Variants in CNTNAP2 observed in about 807,000 individuals in gnomAD.
The protein encoded by CNTNAP2 is contactin-associated protein-like 2.
In CNTNAP2, 98 loss-of-function variants were observed where a neutral mutation model predicts 155.2. The ratio of observed to expected loss-of-function variants is 0.63; its 90% confidence interval spans 0.54 to 0.75. The LOEUF (loss-of-function observed/expected upper bound fraction) is 0.75, where lower values mean the gene tolerates loss of function less well. Among genes scored for constraint, CNTNAP2 ranks in the 30% least tolerant of loss-of-function variants. CNTNAP2 has a pLI of 0.00. For missense variants in CNTNAP2, 1,727 were observed against 1,688.1 expected, an observed-to-expected ratio of 1.02 and a Z score of -0.40; for synonymous variants, 651 against 631.2, an observed-to-expected ratio of 1.03 and a Z score of -0.47.
intron 12 of CNTNAP2, among the ~76,000 whole-genome samples, chr7:147,585,066 G>T (rs938654908): frequency 2.0e-5 from 3 of 152,134 alleles, no homozygotes; most frequent in Non-Finnish European, 4.4e-5. Context: ...CCTTCTGTCT[G>T]CACTTTCCTA....
In CNTNAP2 at chr7:146,839,904, G is replaced by A. The variant is rs761596436; in HGVS notation, c.402G>A (p.Trp134Ter). The change falls in exon 3 of 24, where the codon TGG becomes TGA. Residue 134 changes from tryptophan (W) to a stop codon, truncating the protein, a stop_gained and splice_region_variant. Transcript: ENST00000361727. LOFTEE classifies it high-confidence loss of function. The part of the protein sequence containing the change: ...WKPYHQDGNI[W>*]AFPGNINSDG... ...CCTATCATCAAGATGGGAATATCTGGGTAAGTCATTGGCAGGAAAGCAAAG... is the reference window on the plus strand; with the variant it reads ...CCTATCATCAAGATGGGAATATCTGAGTAAGTCATTGGCAGGAAAGCAAAG... The A allele has an allele frequency of 6.2e-7, 1 of 1,614,038 alleles. No homozygotes were observed. Among genetic ancestry groups the A allele is most frequent in the Non-Finnish European group, 8.5e-7 (1 of 1,179,994 alleles).
intron 1 of CNTNAP2, among the ~76,000 whole-genome samples, chr7:146,445,172 C>G (rs1249761765): frequency 2.0e-5 from 3 of 152,178 alleles, no homozygotes; most frequent in African/African-American, 7.2e-5. Flanking sequence ...CCAATCCTCT[C>G]CATGTGGCCA....
At chr7:146,460,565 GA>G (rs1394076520) in intron 1 of CNTNAP2, among the ~76,000 whole-genome samples, 1 of 152,090 alleles carries the variant, frequency 6.6e-6, no homozygotes, top group Non-Finnish European at 1.5e-5. Context: ...TAAATTGTAT[GA>G]TATATATGTA....
chr7:148,264,756 G>C (rs181468928), intron 20 of CNTNAP2, among the ~76,000 whole-genome samples: 5 of 151,962 alleles, frequency 3.3e-5, no homozygotes, highest in South Asian at 4.2e-4. Flanking sequence ...GTGCAGTGGC[G>C]CGATCTCGGC....
chr7:147,204,085 A>C (rs2116556019), intron 8 of CNTNAP2, among the ~76,000 whole-genome samples: 1 of 152,058 alleles, frequency 6.6e-6, no homozygotes, highest in Admixed American at 6.5e-5. Flanking sequence ...ATTATAATAA[A>C]AATTTCAAAA....
chr7:148,058,158 T>C (rs928680753), intron 15 of CNTNAP2, among the ~76,000 whole-genome samples: 10 of 152,092 alleles, frequency 6.6e-5, no homozygotes, highest in African/African-American at 2.4e-4. Context: ...CGTGACTTAG[T>C]ACATGAAGAG....
chr7:146,906,530 C>T (rs1291686731), intron 3 of CNTNAP2, among the ~76,000 whole-genome samples: 4 of 152,042 alleles, frequency 2.6e-5, no homozygotes, highest in African/African-American at 9.7e-5. Flanking sequence ...AGGCACCCCC[C>T]AGCAGGGGCA....
At chr7:148,216,696 T>G (rs10952736) in intron 18 of CNTNAP2, among the ~76,000 whole-genome samples, 85,347 of 152,068 alleles carry the variant, frequency 0.56, 24,649 homozygotes, top group Non-Finnish European at 0.63. Context: ...TCTTAAATTT[T>G]ACTATTTTTT....
chr7:147,619,708 T>A (rs1563024671), intron 12 of CNTNAP2, among the ~76,000 whole-genome samples: 3 of 152,184 alleles, frequency 2.0e-5, no homozygotes. Flanking sequence ...GGTCCCTGAT[T>A]GCTGGAGGAT....
At chr7:146,183,782 G>A (rs1584791304) in intron 1 of CNTNAP2, among the ~76,000 whole-genome samples, 1 of 152,080 alleles carries the variant, frequency 6.6e-6, no homozygotes, top group East Asian at 1.9e-4. Flanking sequence ...AGCCAACTCA[G>A]AACCCTTTAT....
intron 21 of CNTNAP2, among the ~76,000 whole-genome samples, chr7:148,352,011 C>T (rs1173305133): frequency 1.3e-5 from 2 of 152,104 alleles, no homozygotes; most frequent in African/African-American, 4.8e-5. Flanking sequence ...CGGCCTCTTC[C>T]CTATGTAGAG....
At chr7:146,782,975 G>A (rs1430607497) in intron 2 of CNTNAP2, among the ~76,000 whole-genome samples, 1 of 151,990 alleles carries the variant, frequency 6.6e-6, no homozygotes, top group African/African-American at 2.4e-5. Flanking sequence ...TATCATCTAA[G>A]ACAAAATATT....
At chr7:147,592,520 C>A (rs1800756399) in intron 12 of CNTNAP2, among the ~76,000 whole-genome samples, 2 of 142,398 alleles carry the variant, frequency 1.4e-5, no homozygotes, top group Middle Eastern at 4.1e-3. Context: ...ACAATTTATT[C>A]TTTTTTTATA....
At chr7:146,123,207 G>A (rs954707807) in intron 1 of CNTNAP2, among the ~76,000 whole-genome samples, 12 of 152,062 alleles carry the variant, frequency 7.9e-5, no homozygotes, top group East Asian at 1.9e-4. Flanking sequence ...CCTGGGGGCC[G>A]TATTCTGTAT....
intron 14 of CNTNAP2, among the ~76,000 whole-genome samples, chr7:147,933,544 T>TAGATAGATAGATAGATAA (rs1563140060): frequency 1.3e-5 from 1 of 77,404 alleles, no homozygotes; most frequent in Admixed American, 1.7e-4. Flanking sequence ...TAGATAGATA[T>TAGATAGATAGATAGATAA]AACAGAATAT....
chr7:146,839,134 T>G (rs1334239628), intron 2 of CNTNAP2, among the ~76,000 whole-genome samples: 2 of 152,178 alleles, frequency 1.3e-5, no homozygotes, highest in African/African-American at 2.4e-5. Context: ...ATTGACTGTA[T>G]ATCTTCTAAG....
At chr7:146,819,843 AG>A in intron 2 of CNTNAP2, among the ~76,000 whole-genome samples, 1 of 152,264 alleles carries the variant, frequency 6.6e-6, no homozygotes, top group East Asian at 1.9e-4. Flanking sequence ...CATAGTCGCC[AG>A]GAGCTCTCAC....
chr7:147,808,549 A>C (rs1798128937), intron 13 of CNTNAP2, among the ~76,000 whole-genome samples: 1 of 152,202 alleles, frequency 6.6e-6, no homozygotes. Flanking sequence ...CCTGTGTCTA[A>C]CCCTTGTCCC....
intron 11 of CNTNAP2, among the ~76,000 whole-genome samples, chr7:147,526,248 G>C (rs542520379): frequency 6.6e-6 from 1 of 151,186 alleles, no homozygotes; most frequent in Non-Finnish European, 1.5e-5. Context: ...TTGCAGGAAT[G>C]CTTGAATCTT....
Sources: allele counts gnomAD v4.1 joint callset (sites outside exome capture counted in the v4.1 genomes callset), GRCh38; gene constraint gnomAD v4.1.1; transcripts MANE v1.5; gene names NCBI Gene and HGNC (gene_info 2026-07-23, HGNC 2026-07-21).